Variants in TIGD7 observed in about 807,000 individuals in gnomAD.
TIGD7 encodes the protein tigger transposable element-derived protein 7.
In TIGD7, 26 loss-of-function variants were observed where a neutral mutation model predicts 24.8. The ratio of observed to expected loss-of-function variants is 1.05; its 90% CI spans 0.77 to 1.45. The LOEUF (loss-of-function observed/expected upper bound fraction) is 1.45, where lower values mean the gene tolerates loss of function less well. Ranked by LOEUF, TIGD7 falls within the 40% of genes most tolerant of loss-of-function variation. TIGD7 has a pLI of 0.00. For synonymous variants in TIGD7, 221 were observed against 224.1 expected (o/e 0.99, Z 0.12); for missense variants, 679 against 641.6 (o/e 1.06, Z -0.63).
At chr16:3,305,073 A>T (rs2150783649) in intron 1 of TIGD7, 139 bp downstream of exon 1, 1 of 152,348 alleles carries the variant, frequency 6.6e-6, no homozygotes, top group East Asian at 1.9e-4. Flanking sequence ...GCTGTTTCTG[A>T]CCTAGCGAGT....
In TIGD7 at chr16:3,299,335, C is replaced by T; in HGVS notation, c.1280G>A (p.Cys427Tyr). 6.3e-7 allele frequency: 1 copy of T among 1,593,294 alleles called. No homozygotes were observed. Among genetic ancestry groups the T allele is most frequent in the Non-Finnish European group, 8.5e-7 (1 of 1,171,798 alleles). The part of the protein sequence containing the change: ...HGDYREILEK[C>Y]GELETKLDDD... ...ATCCAACTTAGTTTCCAACTCCCCA[C>T]ATTTTTCAAGAATTTCTCTATAATC... Residue 427 changes from cysteine to tyrosine, a missense_variant, in exon 2 of 2, where the codon TGT becomes TAT. By Grantham distance (194) the Cys-to-Tyr change is radical. Coordinates refer to ENST00000396862, the MANE Select transcript of TIGD7 (RefSeq NM_033208.4).
At position 3,299,193 on chromosome 16, in the gene TIGD7, T is replaced by A; in HGVS notation, c.1422A>T (p.Glu474Asp). ...TCTCTCTTACAGCAGATAATTTAAA[T>A]TCAGCAGTCTGCTTCTCAGCTTCTC... ...KGGEAEKQTA[E>D]FKLSAVRESL... is the part of the protein sequence containing the mutation. Residue 474 changes from glutamate to aspartate, a missense_variant, in exon 2 of 2, where the codon GAA becomes GAT. Physicochemically the swap from Glu to Asp is conservative, Grantham distance 45. Coordinates refer to ENST00000396862, the MANE Select transcript of TIGD7 (RefSeq NM_033208.4). 1 of 1,597,072 alleles carries A rather than the reference T, an allele frequency of 6.3e-7. No homozygotes were observed. The highest frequency in any genetic ancestry group is 8.5e-7 in the Non-Finnish European group (1 of 1,174,134).
Position 3,300,283 on chromosome 16 carries a change from G to A in TIGD7, c.332C>T (p.Ala111Val), listed in dbSNP as rs542996458. The part of the protein sequence containing the change: ...VELQAAAERF[A>V]RCFGRTDFKA... ...GAAATCTGTTCGCCCAAAACACCGT[G>A]CAAATCTCTCTGCAGCAGCCTGAAG... Residue 111 changes from alanine to valine, a missense_variant, in exon 2 of 2, where the codon GCA (alanine) becomes GTA (valine). By Grantham distance (64) the Ala-to-Val change is moderately conservative. Coordinates refer to ENST00000396862, the MANE Select transcript of TIGD7 (RefSeq NM_033208.4). 2 of 1,614,188 alleles carry A rather than the reference G, an allele frequency of 1.2e-6. No homozygotes were observed. Among genetic ancestry groups the A allele is most frequent in the Admixed American group, 1.7e-5 (1 of 60,026 alleles).
At chr16:3,304,226 C>T (rs1166904676) in intron 1 of TIGD7, among the ~76,000 whole-genome samples, 1 of 152,196 alleles carries the variant, frequency 6.6e-6, no homozygotes, top group Non-Finnish European at 1.5e-5. Context: ...ACTTTTAAAA[C>T]TCTTCCTCTA....
Position 3,300,363 on chromosome 16 carries a change from G to A in TIGD7, c.252C>T (p.Val84=), listed in dbSNP as rs1454881485. The change falls in exon 2 of 2, where the codon GTC becomes GTT. Residue 84 remains valine, a synonymous_variant. Coordinates refer to ENST00000396862, the MANE Select transcript of TIGD7 (RefSeq NM_033208.4). ...AGCGTTTCTGTTGGTACCACATGTA[G>A]ACCGCATCATCTACATCACCATATT... ...GAKYGDVDDA[V]YMWYQQKRSA... is the part of the protein sequence containing the mutation. 6.2e-7 allele frequency: 1 copy of A among 1,614,192 alleles called. No individual in the cohort carries two copies. The highest frequency in any genetic ancestry group is 8.5e-7 in the Non-Finnish European group (1 of 1,180,038).
At position 3,300,364 on chromosome 16, in the gene TIGD7, A is replaced by C. The variant is rs1229676267; in HGVS notation, c.251T>G (p.Val84Gly). The change falls in exon 2 of 2, where the codon GTC becomes GGC. Residue 84 changes from valine to glycine, a missense_variant. By Grantham distance (109) the Val-to-Gly change is moderately radical. Transcript: ENST00000396862. ...GCGTTTCTGTTGGTACCACATGTAG[A>C]CCGCATCATCTACATCACCATATTT... ...GAKYGDVDDA[V>G]YMWYQQKRSA... 4 of 1,614,174 alleles carry C rather than the reference A, an allele frequency of 2.5e-6. No homozygotes were observed. Among genetic ancestry groups the C allele is most frequent in the Non-Finnish European group, 3.4e-6 (4 of 1,180,036 alleles).
chr16:3,300,420 C>A lies in TIGD7; in HGVS notation c.195G>T (p.Gly65=), dbSNP rs756100312. The A allele has an allele frequency of 1.0e-4, 165 of 1,614,010 alleles. No individual in the cohort carries two copies. The highest frequency in any genetic ancestry group is 1.4e-4 in the Non-Finnish European group (162 of 1,180,038). Residue 65 remains glycine, a synonymous_variant, in exon 2 of 2, where the codon GGG becomes GGT. Transcript: ENST00000396862. The part of the protein sequence containing the change: ...FVLKQDMPLV[G]AEKRKRTTGA... Reference sequence around the variant, plus strand: ...CCGTTGTCCTCTTTCTCTTCTCAGCCCCTACTAATGGCATGTCCTGCTTCA... The same window carrying A: ...CCGTTGTCCTCTTTCTCTTCTCAGCACCTACTAATGGCATGTCCTGCTTCA...
intron 1 of TIGD7, among the ~76,000 whole-genome samples, chr16:3,304,044 G>C (rs1204156852): frequency 6.6e-6 from 1 of 152,032 alleles, no homozygotes; most frequent in Non-Finnish European, 1.5e-5. Flanking sequence ...CACCATGTTA[G>C]CCAGGATGGT....
Position 3,299,450 on chromosome 16 carries a change from C to T in TIGD7, c.1165G>A (p.Glu389Lys). ...AIFNWAKSWE[E>K]VKQITIANAW... ...TTTGCTATGGTTATTTGTTTTACTT[C>T]TTCCCAACTTTTTGCCCAGTTAAAA... Residue 389 changes from glutamate to lysine, a missense_variant, in exon 2 of 2, where the codon GAA becomes AAA. By Grantham distance (56) the Glu-to-Lys change is moderately conservative (BLOSUM62 1). Coordinates refer to ENST00000396862, the MANE Select transcript of TIGD7 (RefSeq NM_033208.4). 2 of 1,554,812 alleles carry T rather than the reference C, an allele frequency of 1.3e-6. No homozygotes were observed. The highest frequency in any genetic ancestry group is 2.3e-5 in the East Asian group (1 of 42,986).
Position 3,300,551 on chromosome 16 carries a change from T to C in TIGD7, c.64A>G (p.Ile22Val). 1 of 1,612,728 alleles carries C rather than the reference T, an allele frequency of 6.2e-7. No homozygotes were observed. The highest frequency in any genetic ancestry group is 8.5e-7 in the Non-Finnish European group (1 of 1,179,504). Residue 22 changes from isoleucine (I) to valine (V), a missense_variant, in exon 2 of 2, where the codon ATT (isoleucine) becomes GTT (valine). Coordinates refer to ENST00000396862, the MANE Select transcript of TIGD7 (RefSeq NM_033208.4). ...CTTTTAAGTGATCGTCCAGCTTCAATTCTACTTAGAACCTTCATTTTCTCC... is the reference window on the plus strand; with the variant it reads ...CTTTTAAGTGATCGTCCAGCTTCAACTCTACTTAGAACCTTCATTTTCTCC... ...LEEKMKVLSR[I>V]EAGRSLKSVM... is the part of the protein sequence containing the mutation.
At position 3,299,187 on chromosome 16, in the gene TIGD7, T is replaced by C; in HGVS notation, c.1428A>G (p.Lys476=). ...CCAAACTCTCTCTTACAGCAGATAA[T>C]TTAAATTCAGCAGTCTGCTTCTCAG... ...GEAEKQTAEF[K]LSAVRESLDY... is the part of the protein sequence containing the mutation. Residue 476 remains lysine (K), a synonymous_variant, in exon 2 of 2, where the codon AAA becomes AAG. Transcript: ENST00000396862. 6.3e-7 allele frequency: 1 copy of C among 1,593,598 alleles called. No homozygotes were observed. Among genetic ancestry groups the C allele is most frequent in the Non-Finnish European group, 8.5e-7 (1 of 1,172,576 alleles).
chr16:3,302,230 C>G (rs141627595), intron 1 of TIGD7, among the ~76,000 whole-genome samples: 165 of 152,180 alleles, frequency 1.1e-3, no homozygotes, highest in African/African-American at 3.7e-3. Flanking sequence ...CGGGTTCAAG[C>G]AATTCTCCTG....
In TIGD7 at chr16:3,301,866, C is replaced by A. The variant is rs1042200652; in HGVS notation, c.-1252G>T. 17 of 167,066 alleles carry A rather than the reference C, an allele frequency of 1.0e-4. No homozygotes were observed. The highest frequency in any genetic ancestry group is 4.1e-4 in the African/African-American group (17 of 41,434). 10.3% of individuals were successfully genotyped at this position (167,066 alleles called of 1,614,324 possible). The stretch of plus-strand genomic sequence containing the variant: ...TTCTGTCCCTCTAGGCCCTCAAATA[C>A]TCTTTTCGGGTCCTCCTGGTGCTCC... On this transcript the variant is annotated 5_prime_UTR_variant, in exon 2 of 2. Coordinates refer to ENST00000396862, the MANE Select transcript of TIGD7 (RefSeq NM_033208.4).
intron 1 of TIGD7, among the ~76,000 whole-genome samples, chr16:3,304,391 AC>A (rs1273843159): frequency 6.6e-6 from 1 of 151,876 alleles, no homozygotes; most frequent in East Asian, 1.9e-4. Flanking sequence ...ATTTCCCCCA[AC>A]CCCAAATCAA....
rs756303546 is a variant in TIGD7, at chr16:3,299,329, T to A, written c.1286A>T (p.Glu429Val). Residue 429 changes from glutamate (E) to valine (V), a missense_variant, in exon 2 of 2, where the codon GAG becomes GTG. Glu to Val is a moderately radical substitution (Grantham distance 121). Transcript: ENST00000396862. ...ATCATCATCCAACTTAGTTTCCAACTCCCCACATTTTTCAAGAATTTCTCT... is the reference window on the plus strand; with the variant it reads ...ATCATCATCCAACTTAGTTTCCAACACCCCACATTTTTCAAGAATTTCTCT... ...DYREILEKCG[E>V]LETKLDDDRV... 8 of 1,595,042 alleles carry A rather than the reference T, an allele frequency of 5.0e-6. No homozygotes were observed. The South Asian group carries it at 9.2e-5, about 18-fold the overall frequency.
At chr16:3,304,036 C>T (rs1960030449) in intron 1 of TIGD7, among the ~76,000 whole-genome samples, 1 of 152,062 alleles carries the variant, frequency 6.6e-6, no homozygotes, top group Non-Finnish European at 1.5e-5. Context: ...CGGGGTTTCA[C>T]CATGTTAGCC....
chr16:3,304,263 AC>A (rs1960044154), intron 1 of TIGD7, among the ~76,000 whole-genome samples: 2 of 152,194 alleles, frequency 1.3e-5, no homozygotes, highest in African/African-American at 4.8e-5. Flanking sequence ...GTAAAAACGT[AC>A]CTAAGATCTC....
At position 3,300,617 on chromosome 16, in the gene TIGD7, T is replaced by C. The variant is rs202241936; in HGVS notation, c.-3A>G. ...GTATATTTCCCTCTCTTATTCATAC[T>C]GAATTTAACTCTGAACCACCAACAG... On this transcript the variant is annotated 5_prime_UTR_variant, in exon 2 of 2. Coordinates refer to ENST00000396862, the MANE Select transcript of TIGD7 (RefSeq NM_033208.4). The C allele has an allele frequency of 2.6e-6, 4 of 1,547,620 alleles. No individual in the cohort carries two copies. The highest frequency in any genetic ancestry group is 2.6e-6 in the Non-Finnish European group (3 of 1,150,414).
Position 3,300,891 on chromosome 16 carries a change from T to C in TIGD7, c.-277A>G, listed in dbSNP as rs1959921385. 4 of 335,866 alleles carry C rather than the reference T, an allele frequency of 1.2e-5. No individual in the cohort carries two copies. Among genetic ancestry groups the C allele is most frequent in the Non-Finnish European group, 2.3e-5 (4 of 176,586 alleles). 20.8% of individuals were successfully genotyped at this position (335,866 alleles called of 1,614,324 possible). ...AGTGATCATTTTTCAGAATGCCCCCTACCTCTCCTCTCTTTTGACAGATAC... is the reference window on the plus strand; with the variant it reads ...AGTGATCATTTTTCAGAATGCCCCCCACCTCTCCTCTCTTTTGACAGATAC... On this transcript the variant is annotated 5_prime_UTR_variant, in exon 2 of 2. The change abolishes the stop of an existing upstream ORF in the 5' untranslated region. Coordinates refer to ENST00000396862, the MANE Select transcript of TIGD7 (RefSeq NM_033208.4).
Sources: gnomAD v4.1 joint callset for allele counts (sites outside exome capture counted in the v4.1 genomes callset) on GRCh38, gnomAD v4.1.1 for gene constraint, MANE v1.5 for transcripts, NCBI Gene and HGNC (gene_info 2026-07-23, HGNC 2026-07-21) for gene names.